HMGN5: variants seen among roughly 807,000 people sequenced by gnomAD.
HMGN5 encodes the protein high mobility group nucleosome binding domain 5, also known as high mobility group nucleosome-binding domain-containing protein 5.
HMGN5 carries 4 observed loss-of-function variants against 9.5 expected under a neutral mutation model. That is an observed-to-expected ratio of 0.42 (90% CI 0.21 to 0.96). The LOEUF (loss-of-function observed/expected upper bound fraction) is 0.96. Among genes scored for constraint, HMGN5 ranks in the 40% least tolerant of loss-of-function variants. The pLI is 0.30. For missense variants in HMGN5, 192 were observed against 187.5 expected (o/e 1.02, Z -0.14); for synonymous variants, 55 against 57.1 (o/e 0.96, Z 0.16).
At chrX:81,189,214 G>T (rs940640406) in intron 1 of HMGN5, among the ~76,000 whole-genome samples, 1 of 111,936 alleles carries the variant, frequency 8.9e-6, no homozygotes, top group Non-Finnish European at 1.9e-5. Flanking sequence ...TCTGCTGCCC[G>T]AGAGTCTCTC....
intron 1 of HMGN5, among the ~76,000 whole-genome samples, chrX:81,140,476 C>T (rs1166684454): frequency 2.9e-5 from 3 of 102,636 alleles, no homozygotes; most frequent in South Asian, 4.6e-4. Flanking sequence ...AGGAGAATGG[C>T]GTGAACCCGG....
At chrX:81,129,259 T>C (rs73631720) in intron 1 of HMGN5, among the ~76,000 whole-genome samples, 5,021 of 111,685 alleles carry the variant, frequency 0.045, 284 homozygotes, top group African/African-American at 0.15. Flanking sequence ...CACCAATTTA[T>C]ACTCTGACAC....
intron 1 of HMGN5, among the ~76,000 whole-genome samples, chrX:81,151,559 A>G (rs1288975276): frequency 1.8e-5 from 2 of 110,520 alleles, no homozygotes; most frequent in South Asian, 7.7e-4. Flanking sequence ...TTTTCACGAT[A>G]TTGATTCTTC....
intron 1 of HMGN5, among the ~76,000 whole-genome samples, chrX:81,192,193 A>G (rs993160459): frequency 2.7e-5 from 3 of 111,528 alleles, no homozygotes; most frequent in African/African-American, 6.5e-5. Flanking sequence ...GTTTGATACT[A>G]CTTAGTTTAG....
Position 81,118,486 on chromosome X carries a change from C to T in HMGN5, c.76-1G>A. 8.5e-7 allele frequency: 1 copy of T among 1,172,918 alleles called. No homozygotes were observed. The highest frequency in any genetic ancestry group is 1.2e-6 in the Non-Finnish European group (1 of 869,155). Reference sequence around the variant, plus strand: ...CCTCTGGTGTAACTGGCACAAGCATCTGCTTCAAGTTGTGGGAAAAGAAAA... The same window carrying T: ...CCTCTGGTGTAACTGGCACAAGCATTTGCTTCAAGTTGTGGGAAAAGAAAA... On this transcript the variant is annotated splice_acceptor_variant, in intron 4 of 6. Transcript: ENST00000358130. LOFTEE classifies it high-confidence loss of function.
Position 81,114,832 on chromosome X carries a change from C to T in HMGN5, c.666G>A (p.Glu222=), listed in dbSNP as rs1267572839. The T allele has an allele frequency of 1.6e-5, 19 of 1,159,527 alleles. No homozygotes were observed. Among genetic ancestry groups the T allele is most frequent in the Non-Finnish European group, 2.1e-5 (18 of 870,274 alleles). ...CTTCTTTGACTTTTACATCTTTCCC[C>T]TCTTTTTTATCTCCCTTCTCTTTTC... is the stretch of plus-strand genomic sequence containing the variant. ...EDGKEKGDKK[E]GKDVKVKEDE... is the part of the protein sequence containing the mutation. The change falls in exon 7 of 7, where the codon GAG becomes GAA. Residue 222 remains glutamate (E), a synonymous_variant. Coordinates refer to ENST00000358130, the MANE Select transcript of HMGN5 (RefSeq NM_030763.3).
chrX:81,120,110 C>G (rs761884467), intron 2 of HMGN5, among the ~76,000 whole-genome samples: 6 of 112,022 alleles, frequency 5.4e-5, no homozygotes, highest in Non-Finnish European at 1.1e-4. Context: ...ATTTTGAAAT[C>G]CACCTGCTTT....
At chrX:81,150,216 T>C (rs1013914125) in intron 1 of HMGN5, among the ~76,000 whole-genome samples, 8 of 111,876 alleles carry the variant, frequency 7.2e-5, no homozygotes, top group Non-Finnish European at 1.5e-4. Flanking sequence ...GCATCCTCTC[T>C]GAACACAATG....
chrX:81,181,328 G>T (rs1195417755), intron 1 of HMGN5, among the ~76,000 whole-genome samples: 1 of 109,960 alleles, frequency 9.1e-6, no homozygotes, highest in African/African-American at 3.3e-5. Context: ...ATTTGTGTGG[G>T]TACATAGTAT....
At chrX:81,131,966 C>T (rs996656067) in intron 1 of HMGN5, among the ~76,000 whole-genome samples, 5 of 111,485 alleles carry the variant, frequency 4.5e-5, no homozygotes, top group Admixed American at 9.6e-5. Flanking sequence ...TCAAAAACCC[C>T]ATCATCTCAG....
intron 1 of HMGN5, among the ~76,000 whole-genome samples, chrX:81,148,925 G>A (rs1439589247): frequency 8.9e-6 from 1 of 111,975 alleles, no homozygotes; most frequent in Non-Finnish European, 1.9e-5. Context: ...AAACCACAAT[G>A]AGATACCATT....
At position 81,121,656 on chromosome X, in the gene HMGN5, A is replaced by C; in HGVS notation, c.-107T>G. 3 of 522,315 alleles carry C rather than the reference A, an allele frequency of 5.7e-6. No individual in the cohort carries two copies. The highest frequency in any genetic ancestry group is 2.4e-5 in the African/African-American group (1 of 41,100). 43.0% of individuals were successfully genotyped at this position (522,315 alleles called of 1,213,427 possible). A position where few individuals can be genotyped will look rare whatever the true frequency, so the allele number is the denominator to read the frequency against. On this transcript the variant is annotated 5_prime_UTR_variant, in exon 2 of 7. Coordinates refer to ENST00000358130, the MANE Select transcript of HMGN5 (RefSeq NM_030763.3). Reference sequence around the variant, plus strand: ...GAGTTTTCAATGAACTAACTGCAGCACGACCTGTACTCTCCTCTGGAAAAA... The same window carrying C: ...GAGTTTTCAATGAACTAACTGCAGCCCGACCTGTACTCTCCTCTGGAAAAA...
At chrX:81,180,635 AGT>A (rs1187948052) in intron 1 of HMGN5, among the ~76,000 whole-genome samples, 1 of 112,067 alleles carries the variant, frequency 8.9e-6, no homozygotes, top group Non-Finnish European at 1.9e-5. Flanking sequence ...TGTGGAAGAC[AGT>A]GTGGTGATCC....
chrX:81,140,050 C>A (rs1223345340), intron 1 of HMGN5, among the ~76,000 whole-genome samples: 1 of 111,911 alleles, frequency 8.9e-6, no homozygotes, highest in Non-Finnish European at 1.9e-5. Context: ...CTCCCCTAAC[C>A]CCAGGCTGCA....
At chrX:81,147,799 T>G (rs773019282) in intron 1 of HMGN5, among the ~76,000 whole-genome samples, 1 of 111,799 alleles carries the variant, frequency 8.9e-6, no homozygotes, top group Admixed American at 9.5e-5. Context: ...GGATACAAAA[T>G]CGATGTGCAA....
chrX:81,141,078 T>A (rs1349557555), intron 1 of HMGN5, among the ~76,000 whole-genome samples: 1 of 111,517 alleles, frequency 9.0e-6, no homozygotes, highest in Non-Finnish European at 1.9e-5. Flanking sequence ...TCCTCTGCCT[T>A]TGAAAAGGAG....
At chrX:81,136,808 C>A (rs1392739557) in intron 1 of HMGN5, among the ~76,000 whole-genome samples, 2 of 111,309 alleles carry the variant, frequency 1.8e-5, no homozygotes, top group African/African-American at 6.5e-5. Context: ...TTGCAAGAAA[C>A]ACTTGTCAAC....
At chrX:81,190,897 C>G (rs2075492324) in intron 1 of HMGN5, among the ~76,000 whole-genome samples, 1 of 111,257 alleles carries the variant, frequency 9.0e-6, no homozygotes, top group African/African-American at 3.3e-5. Context: ...AGGTCTATTT[C>G]TAGGCTCTCT....
At chrX:81,140,045 C>G (rs1206720510) in intron 1 of HMGN5, among the ~76,000 whole-genome samples, 1 of 112,030 alleles carries the variant, frequency 8.9e-6, no homozygotes, top group African/African-American at 3.2e-5. Flanking sequence ...CAGCCCTCCC[C>G]TAACCCCAGG....
Sources: gnomAD v4.1 joint callset for allele counts (sites outside exome capture counted in the v4.1 genomes callset) on GRCh38, gnomAD v4.1.1 for gene constraint, MANE v1.5 for transcripts, NCBI Gene and HGNC (gene_info 2026-07-23, HGNC 2026-07-21) for gene names.